The following HNRNPA0 variants were observed in gnomAD, a reference collection of about 807,000 sequenced individuals.
HNRNPA0 encodes hnRNA binding protein.
For synonymous variants in HNRNPA0, 243 were observed against 195.5 expected (o/e 1.24, Z -2.03); for missense variants, 252 against 433.7 (o/e 0.58, Z 3.72).
rs1386929910 is a variant in HNRNPA0, at chr5:137,749,945, G to A, written c.*3204C>T. The stretch of plus-strand genomic sequence containing the variant: ...GTTTACTTAAAAATTATGAAAATTA[G>A]ATTTGAATATGAAACGTTCCAAATC... On this transcript the variant is annotated 3_prime_UTR_variant, in exon 1 of 1. Coordinates refer to ENST00000314940, the MANE Select transcript of HNRNPA0 (RefSeq NM_006805.4). 1 of 152,140 alleles carries A rather than the reference G, an allele frequency of 6.6e-6. No homozygotes were observed. Among genetic ancestry groups the A allele is most frequent in the Admixed American group, 6.5e-5 (1 of 15,272 alleles). The allele number at this position is 152,140 out of a possible 1,614,324, so 9.4% of individuals were successfully genotyped here.
Position 137,752,110 on chromosome 5 carries a change from A to AG in HNRNPA0, c.*1038dup, listed in dbSNP as rs200094696. On this transcript the variant is annotated 3_prime_UTR_variant, in exon 1 of 1. Coordinates refer to ENST00000314940, the MANE Select transcript of HNRNPA0 (RefSeq NM_006805.4). ...TCCATGAGGCCAACAGTTCGGATATAGGAAAAAAAAAAAAAAAACGTTTAA... is the reference window on the plus strand; with the variant it reads ...TCCATGAGGCCAACAGTTCGGATATAGGGAAAAAAAAAAAAAAAACGTTTAA... The AG allele has an allele frequency of 2.7e-5, 4 of 150,586 alleles. No homozygotes were observed. Among genetic ancestry groups the AG allele is most frequent in the African/African-American group, 2.5e-5 (1 of 40,784 alleles). 9.3% of individuals were successfully genotyped at this position (150,586 alleles called of 1,614,324 possible).
Position 137,745,918 on chromosome 5 carries a change from A to G in HNRNPA0, c.*7231T>C, listed in dbSNP as rs1753403544. On this transcript the variant is annotated 3_prime_UTR_variant, in exon 1 of 1. Transcript: ENST00000314940. Reference sequence around the variant, plus strand: ...CCAAAATTCCATACTCCCAGAAGGAAAGCAGGTGTTTAGCATAAATCATCT... The same window carrying G: ...CCAAAATTCCATACTCCCAGAAGGAGAGCAGGTGTTTAGCATAAATCATCT... The G allele has an allele frequency of 6.6e-6, 1 of 152,250 alleles. No individual in the cohort carries two copies. Among genetic ancestry groups the G allele is most frequent in the African/African-American group, 2.4e-5 (1 of 41,452 alleles). The allele number at this position is 152,250 out of a possible 1,614,324, so 9.4% of individuals were successfully genotyped here. A position where few individuals can be genotyped will look rare whatever the true frequency, so the allele number is the denominator to read the frequency against.
chr5:137,754,235 A>C lies in HNRNPA0; in HGVS notation c.-169T>G. On this transcript the variant is annotated 5_prime_UTR_variant, in exon 1 of 1. Coordinates refer to ENST00000314940, the MANE Select transcript of HNRNPA0 (RefSeq NM_006805.4). ...AGGGAAGGGGAGGGAAGGAAGGAAG[A>C]GAGGAAGGGGGAGGGAAGGGGAGCG... is the stretch of plus-strand genomic sequence containing the variant. 4 of 824,536 alleles carry C rather than the reference A, an allele frequency of 4.9e-6. No individual in the cohort carries two copies. The highest frequency in any genetic ancestry group is 7.3e-6 in the Non-Finnish European group (4 of 546,188). The allele number at this position is 824,536 out of a possible 1,614,324, so 51.1% of individuals were successfully genotyped here.
rs1411295432 is a variant in HNRNPA0 at position 137,753,233 on chromosome 5, GCCT to G, written c.831_833del (p.Gly278del). 3 of 1,611,620 alleles carry G rather than the reference GCCT, an allele frequency of 1.9e-6. No homozygotes were observed. Among genetic ancestry groups the G allele is most frequent in the Non-Finnish European group, 1.7e-6 (2 of 1,179,388 alleles). Reference sequence around the variant, plus strand: ...TATTACTGCGACCGCCCCAGCTACTGCCTCCACCGCCGCCGCCGCCGCCGCTCT... The same window carrying G: ...TATTACTGCGACCGCCCCAGCTACTGCCACCGCCGCCGCCGCCGCCGCTCT... On this transcript the variant is annotated inframe_deletion, in exon 1 of 1. Transcript: ENST00000314940. This position sits in a 1 kb window ranked among gnomAD's most constrained non-coding sequence, Gnocchi z 6.1.
At position 137,753,689 on chromosome 5, in the gene HNRNPA0, C is replaced by T. The variant is rs764311453; in HGVS notation, c.378G>A (p.Lys126=). ...EHFSQFGTVE[K]AEIIADKQSG... is the part of the protein sequence containing the mutation. ...ACTGCTTGTCGGCAATAATCTCGGC[C>T]TTTTCCACGGTGCCAAACTGCGAGA... is the stretch of plus-strand genomic sequence containing the variant. The change falls in exon 1 of 1, where the codon AAG becomes AAA. Residue 126 remains lysine, a synonymous_variant. Coordinates refer to ENST00000314940, the MANE Select transcript of HNRNPA0 (RefSeq NM_006805.4). The surrounding 1 kb of genome is among the most constrained non-coding windows in gnomAD (Gnocchi z 6.1). 3 of 1,613,966 alleles carry T rather than the reference C, an allele frequency of 1.9e-6. No individual in the cohort carries two copies. The highest frequency in any genetic ancestry group is 2.2e-5 in the South Asian group (2 of 91,090).
chr5:137,753,239 ACCGCCGCCG>A lies in HNRNPA0; in HGVS notation c.819_827del (p.Gly276_Gly278del), dbSNP rs750002989. 15 of 1,604,304 alleles carry A rather than the reference ACCGCCGCCG, an allele frequency of 9.3e-6. No homozygotes were observed. The highest frequency in any genetic ancestry group is 1.7e-4 in the Middle Eastern group (1 of 6,036). ...TGCGACCGCCCCAGCTACTGCCTCC[ACCGCCGCCG>A]CCGCCGCCGCTCTTCATGGGCCCAT... On this transcript the variant is annotated inframe_deletion, in exon 1 of 1. Transcript: ENST00000314940. The surrounding 1 kb of genome is among the most constrained non-coding windows in gnomAD (Gnocchi z 6.1).
chr5:137,748,132 C>A lies in HNRNPA0; in HGVS notation c.*5017G>T, dbSNP rs1753439342. On this transcript the variant is annotated 3_prime_UTR_variant, in exon 1 of 1. Coordinates refer to ENST00000314940, the MANE Select transcript of HNRNPA0 (RefSeq NM_006805.4). The stretch of plus-strand genomic sequence containing the variant: ...CAATATGCATACTTCTCCAAATACG[C>A]TCCATGTTTCTGCCTATCTGTCCTC... 2 of 152,170 alleles carry A rather than the reference C, an allele frequency of 1.3e-5. No individual in the cohort carries two copies. The highest frequency in any genetic ancestry group is 4.8e-5 in the African/African-American group (2 of 41,442). 9.4% of individuals were successfully genotyped at this position (152,170 alleles called of 1,614,324 possible). A position where few individuals can be genotyped will look rare whatever the true frequency, so the allele number is the denominator to read the frequency against.
In HNRNPA0 at chr5:137,749,285, A is replaced by C. The variant is rs1175341279; in HGVS notation, c.*3864T>G. 2 of 152,198 alleles carry C rather than the reference A, an allele frequency of 1.3e-5. No homozygotes were observed. Among genetic ancestry groups the C allele is most frequent in the African/African-American group, 4.8e-5 (2 of 41,466 alleles). The allele number at this position is 152,198 out of a possible 1,614,324, so 9.4% of individuals were successfully genotyped here. A position where few individuals can be genotyped will look rare whatever the true frequency, so the allele number is the denominator to read the frequency against. ...GAAAGCCTGCCTGAATAGAGAAGGA[A>C]ACAGTTAAGAATAACTACCAAAGGT... On this transcript the variant is annotated 3_prime_UTR_variant, in exon 1 of 1. Transcript: ENST00000314940.
chr5:137,754,102 T>C lies in HNRNPA0; in HGVS notation c.-36A>G. The C allele has an allele frequency of 1.3e-6, 2 of 1,566,196 alleles. No homozygotes were observed. The highest frequency in any genetic ancestry group is 1.7e-6 in the Non-Finnish European group (2 of 1,155,966). ...CGGGCCTTGCCCCCGCCCTGCGAGC[T>C]CCGAGGTTTCGCCGTCGCCGCCGTT... On this transcript the variant is annotated 5_prime_UTR_variant, in exon 1 of 1. Coordinates refer to ENST00000314940, the MANE Select transcript of HNRNPA0 (RefSeq NM_006805.4).
In HNRNPA0 at chr5:137,751,221, G is replaced by A. The variant is rs1048746652; in HGVS notation, c.*1928C>T. 1.3e-5 allele frequency: 2 copies of A among 150,558 alleles called. No homozygotes were observed. The highest frequency in any genetic ancestry group is 1.5e-5 in the Non-Finnish European group (1 of 67,756). 9.3% of individuals were successfully genotyped at this position (150,558 alleles called of 1,614,324 possible). A position where few individuals can be genotyped will look rare whatever the true frequency, so the allele number is the denominator to read the frequency against. The stretch of plus-strand genomic sequence containing the variant: ...ATAACACTATTTGTACCAACCATCC[G>A]CTACCCTTTGTCAAAATGACTACTG... On this transcript the variant is annotated 3_prime_UTR_variant, in exon 1 of 1. Coordinates refer to ENST00000314940, the MANE Select transcript of HNRNPA0 (RefSeq NM_006805.4).
chr5:137,750,421 A>C lies in HNRNPA0; in HGVS notation c.*2728T>G, dbSNP rs1027792184. 2 of 152,184 alleles carry C rather than the reference A, an allele frequency of 1.3e-5. No homozygotes were observed. Among genetic ancestry groups the C allele is most frequent in the African/African-American group, 4.8e-5 (2 of 41,448 alleles). The allele number at this position is 152,184 out of a possible 1,614,324, so 9.4% of individuals were successfully genotyped here. ...TACTTTTAAAAGAATGTAAATGCCAAAGATCTTCACATTAAGATGAAAAAT... is the reference window on the plus strand; with the variant it reads ...TACTTTTAAAAGAATGTAAATGCCACAGATCTTCACATTAAGATGAAAAAT... On this transcript the variant is annotated 3_prime_UTR_variant, in exon 1 of 1. Transcript: ENST00000314940.
rs1753491859 is a variant in HNRNPA0, at chr5:137,751,214, AC to A, written c.*1934del. 2 of 151,824 alleles carry A rather than the reference AC, an allele frequency of 1.3e-5. No homozygotes were observed. The highest frequency in any genetic ancestry group is 2.9e-5 in the Non-Finnish European group (2 of 67,964). 9.4% of individuals were successfully genotyped at this position (151,824 alleles called of 1,614,324 possible). ...AGAGGATATAACACTATTTGTACCA[AC>A]CATCCGCTACCCTTTGTCAAAATGA... On this transcript the variant is annotated 3_prime_UTR_variant, in exon 1 of 1. Coordinates refer to ENST00000314940, the MANE Select transcript of HNRNPA0 (RefSeq NM_006805.4).
At position 137,751,865 on chromosome 5, in the gene HNRNPA0, C is replaced by T. The variant is rs1753503826; in HGVS notation, c.*1284G>A. On this transcript the variant is annotated 3_prime_UTR_variant, in exon 1 of 1. Coordinates refer to ENST00000314940, the MANE Select transcript of HNRNPA0 (RefSeq NM_006805.4). ...CATAGCAGTTTACATTTTCAAACCT[C>T]ATATAGAAAGGGCTATTGTGATATG... The T allele has an allele frequency of 6.5e-6, 1 of 152,676 alleles. No homozygotes were observed. The highest frequency in any genetic ancestry group is 1.5e-5 in the Non-Finnish European group (1 of 68,044). The allele number at this position is 152,676 out of a possible 1,614,324, so 9.5% of individuals were successfully genotyped here.
Position 137,753,035 on chromosome 5 carries a change from G to A in HNRNPA0, c.*114C>T. The stretch of plus-strand genomic sequence containing the variant: ...GCAGCCTTAGAAGTGGCTCCCCCAA[G>A]GGCAAAACAGGGAAGGCGGTGTGTG... On this transcript the variant is annotated 3_prime_UTR_variant, in exon 1 of 1. Transcript: ENST00000314940. The surrounding 1 kb of genome is among the most constrained non-coding windows in gnomAD (Gnocchi z 6.1). The A allele has an allele frequency of 1.6e-6, 2 of 1,212,808 alleles. No homozygotes were observed. The highest frequency in any genetic ancestry group is 1.5e-5 in the South Asian group (1 of 66,390). The allele number at this position is 1,212,808 out of a possible 1,614,324, so 75.1% of individuals were successfully genotyped here. A position where few individuals can be genotyped will look rare whatever the true frequency, so the allele number is the denominator to read the frequency against.
chr5:137,749,880 A>G lies in HNRNPA0; in HGVS notation c.*3269T>C, dbSNP rs749959499. 1 of 152,214 alleles carries G rather than the reference A, an allele frequency of 6.6e-6. No individual in the cohort carries two copies. The highest frequency in any genetic ancestry group is 1.5e-5 in the Non-Finnish European group (1 of 68,012). 9.4% of individuals were successfully genotyped at this position (152,214 alleles called of 1,614,324 possible). The stretch of plus-strand genomic sequence containing the variant: ...ACCATCACTTCTGGTTTTGAAGGAA[A>G]TCATAAATGCAAATTTCTCAAGTAT... On this transcript the variant is annotated 3_prime_UTR_variant, in exon 1 of 1. Coordinates refer to ENST00000314940, the MANE Select transcript of HNRNPA0 (RefSeq NM_006805.4).
At position 137,753,258 on chromosome 5, in the gene HNRNPA0, C is replaced by CTGG. The variant is rs2149948884; in HGVS notation, c.808_809insCCA (p.Lys269_Ser270insThr). The CTGG allele has an allele frequency of 6.2e-7, 1 of 1,607,048 alleles. No homozygotes were observed. Among genetic ancestry groups the CTGG allele is most frequent in the Non-Finnish European group, 8.5e-7 (1 of 1,176,778 alleles). On this transcript the variant is annotated inframe_insertion, in exon 1 of 1. Transcript: ENST00000314940. The surrounding 1 kb of genome is among the most constrained non-coding windows in gnomAD (Gnocchi z 6.1). Reference sequence around the variant, plus strand: ...GCCTCCACCGCCGCCGCCGCCGCCGCTCTTCATGGGCCCATAGGAGGACTG... The same window carrying CTGG: ...GCCTCCACCGCCGCCGCCGCCGCCGCTGGTCTTCATGGGCCCATAGGAGGACTG...
Position 137,754,341 on chromosome 5 carries a change from C to G in HNRNPA0, c.-275G>C, listed in dbSNP as rs1279107556. ...CGCCGCCGCCGCCACCTCCGCTCCC[C>G]TATCTGGGCACCACACAAAGAGGCC... On this transcript the variant is annotated 5_prime_UTR_variant, in exon 1 of 1. Coordinates refer to ENST00000314940, the MANE Select transcript of HNRNPA0 (RefSeq NM_006805.4). 4.1e-6 allele frequency: 2 copies of G among 482,674 alleles called. No homozygotes were observed. Among genetic ancestry groups the G allele is most frequent in the South Asian group, 2.9e-5 (1 of 34,560 alleles). 29.9% of individuals were successfully genotyped at this position (482,674 alleles called of 1,614,324 possible).
Position 137,753,106 on chromosome 5 carries a change from A to G in HNRNPA0, c.*43T>C. ...GTTGACCCCACTTGGGCTGTTGGAA[A>G]GAGCTACCCCTATAGCCACTCCCAG... is the stretch of plus-strand genomic sequence containing the variant. On this transcript the variant is annotated 3_prime_UTR_variant, in exon 1 of 1. Coordinates refer to ENST00000314940, the MANE Select transcript of HNRNPA0 (RefSeq NM_006805.4). This position sits in a 1 kb window ranked among gnomAD's most constrained non-coding sequence, Gnocchi z 6.1. The G allele has an allele frequency of 6.4e-7, 1 of 1,562,044 alleles. No homozygotes were observed.
Position 137,750,910 on chromosome 5 carries a change from G to T in HNRNPA0, c.*2239C>A, listed in dbSNP as rs1414920606. On this transcript the variant is annotated 3_prime_UTR_variant, in exon 1 of 1. Transcript: ENST00000314940. ...CTGAGAAAGGTGTACTATTCCAATT[G>T]ACCCAGATCTTCCCACCAAAACTGA... 6.6e-6 allele frequency: 1 copy of T among 152,000 alleles called. No individual in the cohort carries two copies. The highest frequency in any genetic ancestry group is 2.4e-5 in the African/African-American group (1 of 41,398). The allele number at this position is 152,000 out of a possible 1,614,324, so 9.4% of individuals were successfully genotyped here. A position where few individuals can be genotyped will look rare whatever the true frequency, so the allele number is the denominator to read the frequency against.
Sources: gnomAD v4.1 joint callset for allele counts on GRCh38, gnomAD v4.1.1 for gene constraint, Gnocchi (gnomAD v3.1) non-coding constraint, MANE v1.5 for transcripts, NCBI Gene and HGNC (gene_info 2026-07-23, HGNC 2026-07-21) for gene names.